TTN: variants seen among roughly 807,000 people sequenced by gnomAD.
TTN encodes titin, also known as connectin.
TTN carries 1,525 observed loss-of-function variants against 3,223.0 expected under a neutral mutation model. The observed-to-expected ratio is 0.47, with a 90% confidence interval of 0.45 to 0.49. The LOEUF is 0.49. TTN is among the 20% of genes least tolerant of loss of function. The pLI, the probability that TTN is intolerant of heterozygous loss-of-function variation, is 0.00. For synonymous variants in TTN, 14,094 were observed against 15,161.0 expected, an observed-to-expected ratio of 0.93 and a Z score of 5.17; for missense variants, 40,786 against 43,424.0, an observed-to-expected ratio of 0.94 and a Z score of 5.40.
rs1433094325 is a variant in TTN, at chr2:178,633,908, T to C, written c.42591A>G (p.Lys14197=). The C allele has an allele frequency of 6.2e-7, 1 of 1,613,454 alleles. No individual in the cohort carries two copies. The highest frequency in any genetic ancestry group is 8.5e-7 in the Non-Finnish European group (1 of 1,179,558). ...CCAATGTCACTTCTTTCATTTCCAA[T>C]TTGTGAGTCTTGCCCTCAGAAGAGA... ...VLISSEGKTH[K]LEMKEVTLDD... Residue 14197 remains lysine (K), a synonymous_variant, in exon 231 of 363, where the codon AAA becomes AAG. Coordinates refer to ENST00000589042, the MANE Select transcript of TTN (RefSeq NM_001267550.2).
Position 178,741,879 on chromosome 2 carries a change from T to G in TTN, c.11354A>C (p.His3785Pro), listed in dbSNP as rs1353567683. The G allele has an allele frequency of 6.4e-7, 1 of 1,574,770 alleles. No homozygotes were observed. Among genetic ancestry groups the G allele is most frequent in the Non-Finnish European group, 8.6e-7 (1 of 1,159,342 alleles). Residue 3785 changes from histidine to proline, a missense_variant, in exon 48 of 363, where the codon CAT (histidine) becomes CCT (proline). Transcript: ENST00000589042. ...SFLSAEEEGL[H>P]SAELQLSKIN... ...TTTAGATAATTGAAGTTCGGCGCTA[T>G]GAAGTCCTTCTTCCTCGGCAGACAG...
At chr2:178,545,310 T>TA in intron 344 of TTN, 78 bp downstream of exon 344, 1 of 1,364,082 alleles carries the variant, frequency 7.3e-7, no homozygotes, top group South Asian at 1.8e-5. Flanking sequence ...TAAAAATTCT[T>TA]AGAGATTGTG....
At chr2:178,753,053 A>G (rs2085992248) in intron 47 of TTN, 71 bp downstream of exon 47, 28 of 1,293,306 alleles carry the variant, frequency 2.2e-5, no homozygotes, top group Non-Finnish European at 1.1e-6. Context: ...ACTAAGAGAA[A>G]GAAGGCAACT....
Position 178,587,025 on chromosome 2 carries a change from C to A in TTN, c.64093+93G>T. 8 of 1,517,182 alleles carry A rather than the reference C, an allele frequency of 5.3e-6. No individual in the cohort carries two copies. The South Asian group carries it at 9.6e-5, about 18-fold the overall frequency. The allele number at this position is 1,517,182 out of a possible 1,614,324, so 94.0% of individuals were successfully genotyped here. On this transcript the variant is annotated intron_variant, in intron 307 of 362. Transcript: ENST00000589042. Reference sequence around the variant, plus strand: ...CTATTTCGGTCTCTACAAATGAAATCTCTTTCAGAAGTGGATTAAAATGGT... The same window carrying A: ...CTATTTCGGTCTCTACAAATGAAATATCTTTCAGAAGTGGATTAAAATGGT...
chr2:178,779,107 G>A lies in TTN; in HGVS notation c.3975C>T (p.Tyr1325=), dbSNP rs775341456. 2 of 1,613,758 alleles carry A rather than the reference G, an allele frequency of 1.2e-6. No homozygotes were observed. Among genetic ancestry groups the A allele is most frequent in the Non-Finnish European group, 1.7e-6 (2 of 1,179,930 alleles). Residue 1325 remains tyrosine (Y), a synonymous_variant, in exon 24 of 363, where the codon TAC becomes TAT. Transcript: ENST00000589042. The part of the protein sequence containing the change: ...SGYPLPKIAW[Y]KDGKRIKHGE... ...CATGTTTGATGCGCTTGCCATCTTT[G>A]TACCAAGCAATCTGCAAAGAATACC... is the stretch of plus-strand genomic sequence containing the variant.
At position 178,733,351 on chromosome 2, in the gene TTN, A is replaced by G. The variant is rs1311178060; in HGVS notation, c.15942T>C (p.Asn5314=). The change falls in exon 54 of 363, where the codon AAT becomes AAC. Residue 5314 remains asparagine, a synonymous_variant. Transcript: ENST00000589042. ...CTGAATAAAATTTGAGCTGGGCAACATTGTTTTTAAAACTTATTCGGTATT... is the reference window on the plus strand; with the variant it reads ...CTGAATAAAATTTGAGCTGGGCAACGTTGTTTTTAAAACTTATTCGGTATT... The part of the protein sequence containing the change: ...SKKYRISFKN[N]VAQLKFYSAE... 2 of 1,613,846 alleles carry G rather than the reference A, an allele frequency of 1.2e-6. No individual in the cohort carries two copies. The highest frequency in any genetic ancestry group is 1.7e-5 in the Admixed American group (1 of 60,004).
At chr2:178,795,286 A>G in intron 6 of TTN, 34 bp from the exon 7 acceptor site, 2 of 1,600,774 alleles carry the variant, frequency 1.2e-6, no homozygotes, top group East Asian at 2.2e-5. Context: ...AAGAATGTCA[A>G]AGCAAGGAGG....
At position 178,584,684 on chromosome 2, in the gene TTN, C is replaced by G. The variant is rs2048548013; in HGVS notation, c.64957G>C (p.Ala21653Pro). The G allele has an allele frequency of 1.2e-6, 2 of 1,613,280 alleles. No homozygotes were observed. Among genetic ancestry groups the G allele is most frequent in the African/African-American group, 1.3e-5 (1 of 74,864 alleles). ...SEPLTSPKMV[A>P]QFPFGVPSEP... Reference sequence around the variant, plus strand: ...AAAAACATACCAAATGGGAACTGCGCAACCATCTTTGGAGATGTGAGAGGC... The same window carrying G: ...AAAAACATACCAAATGGGAACTGCGGAACCATCTTTGGAGATGTGAGAGGC... Residue 21653 changes from alanine to proline, a missense_variant, in exon 310 of 363, where the codon GCG (alanine) becomes CCG (proline). Coordinates refer to ENST00000589042, the MANE Select transcript of TTN (RefSeq NM_001267550.2).
rs376339761 is a variant in TTN at position 178,735,596 on chromosome 2, G to A, written c.14850C>T (p.Ala4950=). 10 of 1,613,278 alleles carry A rather than the reference G, an allele frequency of 6.2e-6. No individual in the cohort carries two copies. The highest frequency in any genetic ancestry group is 8.5e-6 in the Non-Finnish European group (10 of 1,179,682). ...CATAGGTTCCTGAATCTTTCAGTTT[G>A]GCCAAAGGAATCTCAAGTGTTGCTA... ...DKIATLEIPL[A]KLKDSGTYVC... Residue 4950 remains alanine, a synonymous_variant, in exon 50 of 363, where the codon GCC becomes GCT. Transcript: ENST00000589042.
chr2:178,614,821 A>G, intron 260 of TTN, 26 bp downstream of exon 260: 1 of 1,582,130 alleles, frequency 6.3e-7, no homozygotes, highest in Non-Finnish European at 8.6e-7. Flanking sequence ...GGCCTATTTG[A>G]TAAGACAAAA....
At chr2:178,688,922 A>G in intron 125 of TTN, 131 bp downstream of exon 125, 1 of 1,198,858 alleles carries the variant, frequency 8.3e-7, no homozygotes, top group Non-Finnish European at 1.2e-6. Context: ...ACATAAACAC[A>G]AAAGTTTCAC....
intron 92 of TTN, 131 bp downstream of exon 92, chr2:178,713,766 C>G: frequency 8.4e-7 from 1 of 1,194,550 alleles, no homozygotes; most frequent in Non-Finnish European, 1.1e-6. Flanking sequence ...GGTATTGCCT[C>G]TGAATTTGCT....
In TTN at chr2:178,620,311, C is replaced by T; in HGVS notation, c.46210G>A (p.Glu15404Lys). The change falls in exon 248 of 363, where the codon GAG becomes AAG. Residue 15404 changes from glutamate (E) to lysine (K), a missense_variant. Glu to Lys is a moderately conservative substitution (Grantham distance 56). Coordinates refer to ENST00000589042, the MANE Select transcript of TTN (RefSeq NM_001267550.2). ...VEHLEDQTVT[E>K]FDDAVFSCQL... Reference sequence around the variant, plus strand: ...CAGGAGAAGACAGCGTCATCGAACTCAGTGACTGTCTGATCTTCCAAGTGT... The same window carrying T: ...CAGGAGAAGACAGCGTCATCGAACTTAGTGACTGTCTGATCTTCCAAGTGT... 1 of 1,580,672 alleles carries T rather than the reference C, an allele frequency of 6.3e-7. No homozygotes were observed. The highest frequency in any genetic ancestry group is 8.6e-7 in the Non-Finnish European group (1 of 1,162,474).
At chr2:178,709,226 A>T (rs570947674) in intron 99 of TTN, among the ~76,000 whole-genome samples, 3 of 152,284 alleles carry the variant, frequency 2.0e-5, no homozygotes, top group Admixed American at 6.5e-5. Context: ...GATGAACATT[A>T]AAAAAATTTC....
At position 178,566,077 on chromosome 2, in the gene TTN, T is replaced by A. The variant is rs1412677806; in HGVS notation, c.80055A>T (p.Gly26685=). ...CTTTGACTGCCAAATTCTGTGGTGG[T>A]CCTGGAGTGTCAAGAACTTTCACAG... is the stretch of plus-strand genomic sequence containing the variant. ...FVTVKVLDTP[G]PPQNLAVKEV... The change falls in exon 326 of 363, where the codon GGA becomes GGT. Residue 26685 remains glycine (G), a synonymous_variant. Transcript: ENST00000589042. The A allele has an allele frequency of 1.3e-5, 21 of 1,613,664 alleles. No homozygotes were observed. The highest frequency in any genetic ancestry group is 1.7e-5 in the Non-Finnish European group (20 of 1,179,666).
rs1171020147 is a variant in TTN, at chr2:178,665,669, T to G, written c.35959+39A>C. ...CTAGCACCCTGTACATGCTAAGCAC[T>G]CTAATAAATGAAGGAAGGAATGGCA... On this transcript the variant is annotated intron_variant, in intron 164 of 362. Transcript: ENST00000589042. 3.9e-6 allele frequency: 5 copies of G among 1,287,010 alleles called. No homozygotes were observed. In the East Asian group the frequency reaches 1.3e-4, roughly 35 times the overall value. 79.7% of individuals were successfully genotyped at this position (1,287,010 alleles called of 1,614,324 possible).
chr2:178,753,215 A>C, intron 46 of TTN, 35 bp from the exon 47 acceptor site: 1 of 1,484,556 alleles, frequency 6.7e-7, no homozygotes, highest in Non-Finnish European at 9.4e-7. Context: ...GATTTTAGTG[A>C]TTAATTGCAT....
Position 178,614,375 on chromosome 2 carries a change from A to G in TTN, c.49049-27T>C. On this transcript the variant is annotated intron_variant, in intron 261 of 362. Transcript: ENST00000589042. The stretch of plus-strand genomic sequence containing the variant: ...TGTGTATGGCATTACAGATGCAGAA[A>G]AAAAAATTGTTCACCATTTTTTTTA... 5 of 1,579,790 alleles carry G rather than the reference A, an allele frequency of 3.2e-6. No homozygotes were observed. The African/African-American group carries it at 6.9e-5, about 22-fold the overall frequency.
At chr2:178,753,054 G>A (rs2085993258) in intron 47 of TTN, 70 bp downstream of exon 47, 1 of 1,294,672 alleles carries the variant, frequency 7.7e-7, no homozygotes, top group Non-Finnish European at 1.1e-6. Context: ...CTAAGAGAAA[G>A]AAGGCAACTC....
Sources: allele counts gnomAD v4.1 joint callset (sites outside exome capture counted in the v4.1 genomes callset), GRCh38; gene constraint gnomAD v4.1.1; transcripts MANE v1.5; gene names NCBI Gene and HGNC (gene_info 2026-07-23, HGNC 2026-07-21).